SCOC: variants seen among roughly 807,000 people sequenced by gnomAD.
SCOC encodes the protein short coiled coil protein.
In SCOC, 7 loss-of-function variants were observed where a neutral mutation model predicts 9.9. That is an observed-to-expected ratio of 0.71 (90% CI 0.40 to 1.33). The LOEUF (loss-of-function observed/expected upper bound fraction) is 1.33, where lower values mean the gene tolerates loss of function less well. SCOC is among the 40% of genes most tolerant of loss of function. The pLI, the probability that SCOC is intolerant of heterozygous loss-of-function variation, is 0.01. For synonymous variants in SCOC, 19 were observed against 28.2 expected (o/e 0.67, Z 1.03); for missense variants, 66 against 89.7 (o/e 0.74, Z 1.07).
intron 1 of SCOC, among the ~76,000 whole-genome samples, chr4:140,263,808 C>T (rs1347097163): frequency 6.6e-6 from 1 of 152,122 alleles, no homozygotes; most frequent in African/African-American, 2.4e-5. Flanking sequence ...GCTCCGAGGA[C>T]ACTTTCAGGA....
At chr4:140,373,645 G>A (rs1231557408), upstream of SCOC, 3 of 1,551,452 alleles carry the variant, frequency 1.9e-6, no homozygotes, top group African/African-American at 2.7e-5. Context: ...GAGCTGCCGG[G>A]GTCAGTTGGT....
At chr4:140,336,403 G>C (rs886529621) in intron 1 of SCOC, among the ~76,000 whole-genome samples, 41 of 152,054 alleles carry the variant, frequency 2.7e-4, no homozygotes, top group African/African-American at 9.7e-4. Flanking sequence ...CTCATCCCCT[G>C]ACAACCATCG....
chr4:140,319,773 C>T (rs895855101), intron 1 of SCOC, among the ~76,000 whole-genome samples: 2 of 151,606 alleles, frequency 1.3e-5, no homozygotes, highest in Non-Finnish European at 1.5e-5. Flanking sequence ...AAAAACTAAA[C>T]TACAAAATTA....
chr4:140,340,500 A>C (rs1235297011), upstream of SCOC, among the ~76,000 whole-genome samples: 1 of 152,070 alleles, frequency 6.6e-6, no homozygotes, highest in Non-Finnish European at 1.5e-5. Context: ...TGAAAATACA[A>C]ATTTTCTTCA....
rs1346113451 is a variant in SCOC, at chr4:140,385,496, AC to A, written c.*4394del. 2 of 152,082 alleles carry A rather than the reference AC, an allele frequency of 1.3e-5. No individual in the cohort carries two copies. Among genetic ancestry groups the A allele is most frequent in the African/African-American group, 2.4e-5 (1 of 41,412 alleles). The allele number at this position is 152,082 out of a possible 1,614,324, so 9.4% of individuals were successfully genotyped here. A position where few individuals can be genotyped will look rare whatever the true frequency, so the allele number is the denominator to read the frequency against. ...TTGGTCATGGAATTGTAGCAACAAAACCTTTTGTAGAAGAGTAACCAAAATC... is the reference window on the plus strand; with the variant it reads ...TTGGTCATGGAATTGTAGCAACAAAACTTTTGTAGAAGAGTAACCAAAATC... On this transcript the variant is annotated 3_prime_UTR_variant, in exon 4 of 4. Coordinates refer to ENST00000608372, the MANE Select transcript of SCOC (RefSeq NM_001153484.2).
chr4:140,326,679 TCCCGTGGAC>T (rs1732659013), intron 1 of SCOC, among the ~76,000 whole-genome samples: 3 of 152,072 alleles, frequency 2.0e-5, no homozygotes, highest in Non-Finnish European at 2.9e-5. Context: ...AAAACAAACC[TCCCGTGGAC>T]TTCTAATGCT....
At chr4:140,342,800 C>G (rs979481615), upstream of SCOC, among the ~76,000 whole-genome samples, 6 of 152,106 alleles carry the variant, frequency 3.9e-5, no homozygotes. Context: ...GAAATACTTC[C>G]TCCTCAAACA....
At chr4:140,306,081 G>A (rs991577387) in intron 1 of SCOC, among the ~76,000 whole-genome samples, 9 of 152,280 alleles carry the variant, frequency 5.9e-5, no homozygotes, top group South Asian at 2.1e-4. Flanking sequence ...ACCTAAGGCT[G>A]GGTAGTTTAT....
rs1728650893 is a variant in SCOC, at chr4:140,384,516, T to G, written c.*3412T>G. The G allele has an allele frequency of 1.3e-5, 2 of 152,196 alleles. No homozygotes were observed. Among genetic ancestry groups the G allele is most frequent in the Admixed American group, 6.5e-5 (1 of 15,276 alleles). 9.4% of individuals were successfully genotyped at this position (152,196 alleles called of 1,614,324 possible). A position where few individuals can be genotyped will look rare whatever the true frequency, so the allele number is the denominator to read the frequency against. On this transcript the variant is annotated 3_prime_UTR_variant, in exon 4 of 4. Coordinates refer to ENST00000608372, the MANE Select transcript of SCOC (RefSeq NM_001153484.2). ...CAACCTGGCCTGTCTTTGGCAAGAATCACCCTACTCTTGATGTCTCCAGTT... is the reference window on the plus strand; with the variant it reads ...CAACCTGGCCTGTCTTTGGCAAGAAGCACCCTACTCTTGATGTCTCCAGTT...
At chr4:140,362,837 A>T (rs762990460) in intron 2 of SCOC, 1 of 152,206 alleles carries the variant, frequency 6.6e-6, no homozygotes, top group Non-Finnish European at 1.5e-5. Flanking sequence ...GGAAGGAGGA[A>T]GAAAAACAGG....
intron 2 of SCOC, among the ~76,000 whole-genome samples, chr4:140,350,585 C>T (rs891817604): frequency 7.2e-5 from 11 of 152,118 alleles, no homozygotes; most frequent in African/African-American, 2.7e-4. Context: ...CTGTCATATG[C>T]CAGGTAGTAG....
At chr4:140,353,146 T>C (rs1193374818) in intron 2 of SCOC, among the ~76,000 whole-genome samples, 1 of 152,128 alleles carries the variant, frequency 6.6e-6, no homozygotes, top group Admixed American at 6.5e-5. Context: ...AACTTAAGGG[T>C]TCCTTTGGCC....
chr4:140,293,329 G>A (rs1578779213), intron 1 of SCOC: 1 of 456,772 alleles, frequency 2.2e-6, no homozygotes, highest in East Asian at 7.0e-5. Flanking sequence ...TATCTTTACT[G>A]CCTGTTTCCT....
At chr4:140,343,563 A>C in intron 1 of SCOC, 1 of 1,076,532 alleles carries the variant, frequency 9.3e-7, no homozygotes. Context: ...TGATTTAACA[A>C]GGGCGGTCAC....
intron 2 of SCOC, among the ~76,000 whole-genome samples, chr4:140,357,000 C>T (rs545939695): frequency 2.6e-5 from 4 of 152,254 alleles, no homozygotes; most frequent in East Asian, 1.9e-4. Flanking sequence ...GACAGGGTCT[C>T]GCTCTGTTGC....
chr4:140,292,310 T>C (rs967806549), intron 1 of SCOC, among the ~76,000 whole-genome samples: 2 of 150,936 alleles, frequency 1.3e-5, no homozygotes, highest in Non-Finnish European at 1.5e-5. Context: ...TGCCTCACCC[T>C]CCCAAGTTGC....
At chr4:140,306,639 A>T (rs967924563) in intron 1 of SCOC, among the ~76,000 whole-genome samples, 4 of 151,870 alleles carry the variant, frequency 2.6e-5, no homozygotes, top group Non-Finnish European at 5.9e-5. Flanking sequence ...ACTGCCAGAG[A>T]CATCCCCAAA....
intron 2 of SCOC, among the ~76,000 whole-genome samples, chr4:140,354,684 C>T (rs1489252024): frequency 2.0e-5 from 3 of 151,552 alleles, no homozygotes; most frequent in African/African-American, 7.3e-5. Context: ...AAAAAGCAAA[C>T]TGCATGTTCT....
chr4:140,380,302 A>T (rs962078849), intron 3 of SCOC, among the ~76,000 whole-genome samples: 4 of 147,662 alleles, frequency 2.7e-5, no homozygotes, highest in African/African-American at 1.0e-4. Context: ...GGTTCAAGCG[A>T]TTCTCCTGTC....
Sources: gnomAD v4.1 joint callset for allele counts (sites outside exome capture counted in the v4.1 genomes callset) on GRCh38, gnomAD v4.1.1 for gene constraint, MANE v1.5 for transcripts, NCBI Gene and HGNC (gene_info 2026-07-23, HGNC 2026-07-21) for gene names.